The following SPRED2 variants were observed in gnomAD, a reference collection of about 807,000 sequenced individuals.
SPRED2 encodes the protein sprouty-related, EVH1 domain-containing protein 2.
Under a neutral mutation model 43.0 loss-of-function variants are expected in SPRED2, and 47 were observed. The observed-to-expected ratio is 1.09, with a 90% CI of 0.87 to 1.40. The LOEUF (loss-of-function observed/expected upper bound fraction) is 1.40. SPRED2 is among the 40% of genes most tolerant of loss of function. SPRED2 has a pLI of 0.00. For synonymous variants in SPRED2, 225 were observed against 225.7 expected (o/e 1.00, Z 0.03); for missense variants, 561 against 586.4 (o/e 0.96, Z 0.45).
rs1479487818 is a variant in SPRED2 at position 65,418,604 on chromosome 2, A to G, written c.26+13358T>C. On this transcript the variant is annotated intron_variant, in intron 1 of 5. Coordinates refer to ENST00000356388, the MANE Select transcript of SPRED2 (RefSeq NM_181784.3). The stretch of plus-strand genomic sequence containing the variant: ...GGTCTCACTTTGTTGCCCGGGCTGG[A>G]GCATACTGGCACGACCTTGGCTCAC... Among the ~76,000 whole-genome samples the G allele has an allele frequency of 2.0e-5, 3 of 150,208 alleles. No homozygotes were observed. The East Asian group carries it at 5.9e-4, about 29-fold the overall frequency.
In SPRED2 at chr2:65,313,852, C is replaced by G. The variant is rs142134790; in HGVS notation, c.906G>C (p.Glu302Asp). The change falls in exon 6 of 6, where the codon GAG becomes GAC. Residue 302 changes from glutamate to aspartate, a missense_variant. Physicochemically the swap from Glu to Asp is conservative, Grantham distance 45 (BLOSUM62 2). This residue lies in a region of SPRED2 where 164 missense variants were observed against 164.1 expected (regional missense o/e 1.00). Transcript: ENST00000356388. ...PSRGKSRRRK[E>D]DGERSRCVYC... ...ACACGCACCGCGAGCGCTCTCCGTCCTCCTTCCGCCGCCGCGACTTGCCCC... is the reference window on the plus strand; with the variant it reads ...ACACGCACCGCGAGCGCTCTCCGTCGTCCTTCCGCCGCCGCGACTTGCCCC... 171 of 1,611,402 alleles carry G rather than the reference C, an allele frequency of 1.1e-4. No homozygotes were observed. The African/African-American group carries it at 2.1e-3, about 20-fold the overall frequency.
chr2:65,307,965 A>G (rs1572821222), downstream of SPRED2, among the ~76,000 whole-genome samples: 1 of 136,408 alleles, frequency 7.3e-6, no homozygotes, highest in South Asian at 2.5e-4. Context: ...CCCCATTCAC[A>G]CAGATGGCCC....
intron 1 of SPRED2, among the ~76,000 whole-genome samples, chr2:65,420,863 C>T (rs558165676): frequency 1.3e-5 from 2 of 152,342 alleles, no homozygotes; most frequent in South Asian, 4.1e-4. Flanking sequence ...CAAGCAGTCA[C>T]ATTCCAAGAG....
At position 65,365,900 on chromosome 2, in the gene SPRED2, A is replaced by G. The variant is rs559238406; in HGVS notation, c.27-21004T>C. On this transcript the variant is annotated intron_variant, in intron 1 of 5. Transcript: ENST00000356388. Reference sequence around the variant, plus strand: ...TCAGACAGGCAGACACAGCCTCCCAATTATGCAGAATGATCCTTCAGATCA... The same window carrying G: ...TCAGACAGGCAGACACAGCCTCCCAGTTATGCAGAATGATCCTTCAGATCA... Among the ~76,000 whole-genome samples the G allele has an allele frequency of 8.5e-5, 13 of 152,302 alleles. No individual in the cohort carries two copies. In the South Asian group the frequency reaches 1.2e-3, roughly 15 times the overall value.
chr2:65,406,557 G>A (rs371506553), intron 1 of SPRED2, among the ~76,000 whole-genome samples: 11 of 152,138 alleles, frequency 7.2e-5, no homozygotes, highest in African/African-American at 1.4e-4. Flanking sequence ...TATACTCTTC[G>A]TGCACCACAT....
chr2:65,432,187 T>A lies in SPRED2; in HGVS notation c.-200A>T. 1.6e-6 allele frequency: 1 copy of A among 630,220 alleles called. No homozygotes were observed. The highest frequency in any genetic ancestry group is 4.0e-4 in the Middle Eastern group (1 of 2,502). The allele number at this position is 630,220 out of a possible 1,614,324, so 39.0% of individuals were successfully genotyped here. On this transcript the variant is annotated 5_prime_UTR_variant, in exon 1 of 6. Coordinates refer to ENST00000356388, the MANE Select transcript of SPRED2 (RefSeq NM_181784.3). ...TGGGGGAAGGGGTGCAAAGGCAGGC[T>A]GCGCGGGGAGTGAACGCCGCAGCGC...
chr2:65,346,263 G>GC (rs1277542049), intron 1 of SPRED2, among the ~76,000 whole-genome samples: 1 of 150,618 alleles, frequency 6.6e-6, no homozygotes, highest in Non-Finnish European at 1.5e-5. Flanking sequence ...ATCTCCCTTG[G>GC]CCCCCCCAAC....
chr2:65,317,555 CAACAAA>C (rs375832316), intron 4 of SPRED2, among the ~76,000 whole-genome samples: 24,288 of 101,120 alleles, frequency 0.24, 2,063 homozygotes, highest in Middle Eastern at 0.26. Flanking sequence ...ACAACAACAA[CAACAAA>C]AACAAAACAT....
chr2:65,384,690 T>C (rs376260496), intron 1 of SPRED2, among the ~76,000 whole-genome samples: 15 of 152,268 alleles, frequency 9.9e-5, no homozygotes, highest in Middle Eastern at 3.4e-3. Context: ...CTCACTCCAG[T>C]GAAACTCATC....
intron 1 of SPRED2, among the ~76,000 whole-genome samples, chr2:65,396,814 C>G (rs916372981): frequency 6.6e-6 from 1 of 152,204 alleles, no homozygotes; most frequent in Non-Finnish European, 1.5e-5. Context: ...CTGATGCAAA[C>G]AGCCCTCAGT....
chr2:65,319,288 C>T (rs7604944), intron 4 of SPRED2, among the ~76,000 whole-genome samples: 34,126 of 152,110 alleles, frequency 0.22, 3,950 homozygotes, highest in African/African-American at 0.25. Flanking sequence ...TATGAACACA[C>T]GGTGCTCTCC....
At chr2:65,336,899 G>C (rs754825409) in intron 2 of SPRED2, among the ~76,000 whole-genome samples, 1 of 152,168 alleles carries the variant, frequency 6.6e-6, no homozygotes, top group Non-Finnish European at 1.5e-5. Context: ...ATGAGGTCAG[G>C]AGATCGAGAC....
chr2:65,383,433 G>C (rs1028688500), intron 1 of SPRED2, among the ~76,000 whole-genome samples: 2 of 152,202 alleles, frequency 1.3e-5, no homozygotes, highest in Admixed American at 6.5e-5. Flanking sequence ...AATATCCCCT[G>C]TGGTATTCAA....
chr2:65,383,788 T>C (rs1198124925), intron 1 of SPRED2, among the ~76,000 whole-genome samples: 1 of 152,178 alleles, frequency 6.6e-6, no homozygotes, highest in Non-Finnish European at 1.5e-5. Context: ...CCTCTGAAGA[T>C]TAATAACCCA....
intron 1 of SPRED2, among the ~76,000 whole-genome samples, chr2:65,376,306 A>G (rs1167909864): frequency 6.6e-6 from 1 of 152,222 alleles, no homozygotes. Flanking sequence ...AGGGCACGGC[A>G]TTCCATGGGT....
intron 3 of SPRED2, chr2:65,334,080 G>A (rs761073787): frequency 7.7e-6 from 3 of 388,450 alleles, no homozygotes; most frequent in Admixed American, 3.2e-5. Context: ...TCCAGGCCAC[G>A]ATCAGATGTA....
At position 65,380,732 on chromosome 2, in the gene SPRED2, G is replaced by A. The variant is rs375903326; in HGVS notation, c.27-35836C>T. ...AAATGGCTGTGAGATCAAGTTGAGAGAGGAGTCTCCTGAGGTGAGGTCATG... is the reference window on the plus strand; with the variant it reads ...AAATGGCTGTGAGATCAAGTTGAGAAAGGAGTCTCCTGAGGTGAGGTCATG... On this transcript the variant is annotated intron_variant, in intron 1 of 5. Transcript: ENST00000356388. The A allele has an allele frequency of 5.3e-5, 8 of 152,296 alleles. 1 individual carries two copies. The highest frequency in any genetic ancestry group is 1.9e-4 in the African/African-American group (8 of 41,564). The allele number at this position is 152,296 out of a possible 1,614,324, so 9.4% of individuals were successfully genotyped here.
chr2:65,366,106 A>T (rs2104329124), intron 1 of SPRED2, among the ~76,000 whole-genome samples: 1 of 152,304 alleles, frequency 6.6e-6, no homozygotes, highest in Middle Eastern at 3.4e-3. Flanking sequence ...GCATTAAGTC[A>T]CGCATCATGG....
At chr2:65,407,196 G>C (rs1485730967) in intron 1 of SPRED2, among the ~76,000 whole-genome samples, 4 of 151,334 alleles carry the variant, frequency 2.6e-5, no homozygotes, top group Non-Finnish European at 1.5e-5. Flanking sequence ...CAAAGTGCTG[G>C]AATTACAGGT....
Sources: gnomAD v4.1 joint callset for allele counts (sites outside exome capture counted in the v4.1 genomes callset) on GRCh38, gnomAD v4.1.1 for gene constraint, gnomAD v4.1.1 regional missense constraint, MANE v1.5 for transcripts, NCBI Gene and HGNC (gene_info 2026-07-23, HGNC 2026-07-21) for gene names.